Variants in EIF4EBP1 observed in about 807,000 individuals in gnomAD.
EIF4EBP1 encodes the protein eukaryotic translation initiation factor 4E-binding protein 1.
Under a neutral mutation model 9.2 loss-of-function variants are expected in EIF4EBP1, and 5 were observed. That is an observed-to-expected ratio of 0.54 (90% CI 0.28 to 1.14). The LOEUF is 1.14. Among genes scored for constraint, EIF4EBP1 ranks in the 50% most tolerant of loss-of-function variants. EIF4EBP1 has a pLI of 0.09. For missense variants in EIF4EBP1, 139 were observed against 169.6 expected, an observed-to-expected ratio of 0.82 and a Z score of 1.00; for synonymous variants, 62 against 67.0, an observed-to-expected ratio of 0.93 and a Z score of 0.36.
intron 1 of EIF4EBP1, among the ~76,000 whole-genome samples, chr8:38,040,014 G>A (rs555572932): frequency 6.6e-6 from 1 of 151,936 alleles, no homozygotes; most frequent in African/African-American, 2.4e-5. Flanking sequence ...TCAGCTTCCC[G>A]AGTAGCTGGG....
rs140719961 is a variant in EIF4EBP1 at position 38,036,846 on chromosome 8, C to T, written c.145+6128C>T. Among the ~76,000 whole-genome samples, 529 of 151,994 alleles carry T rather than the reference C, an allele frequency of 3.5e-3. 2 individuals are homozygous for T. The highest frequency in any genetic ancestry group is 0.011 in the African/African-American group (464 of 41,434). On this transcript the variant is annotated intron_variant, in intron 1 of 2. Coordinates refer to ENST00000338825, the MANE Select transcript of EIF4EBP1 (RefSeq NM_004095.4). ...GTATTTTTTGGTAGAGATGAGGTTT[C>T]GCCATGTTGCCCAGGCTGGCCTCAA...
At chr8:38,041,357 C>T (rs1809377317) in intron 1 of EIF4EBP1, among the ~76,000 whole-genome samples, 1 of 152,198 alleles carries the variant, frequency 6.6e-6, no homozygotes, top group Non-Finnish European at 1.5e-5. Flanking sequence ...CCTGCCTTGG[C>T]CTCCCAAATC....
At chr8:38,052,231 G>A (rs1809535882) in intron 1 of EIF4EBP1, among the ~76,000 whole-genome samples, 1 of 151,598 alleles carries the variant, frequency 6.6e-6, no homozygotes, top group Non-Finnish European at 1.5e-5. Flanking sequence ...AAGTAGCTCT[G>A]CAGCAGGTGT....
intron 1 of EIF4EBP1, among the ~76,000 whole-genome samples, chr8:38,041,997 A>G (rs79760381): frequency 1.4e-5 from 2 of 145,340 alleles, no homozygotes; most frequent in African/African-American, 5.1e-5. Context: ...GTCTCAGAAG[A>G]AAAAAAAAAA....
At chr8:38,042,964 G>A (rs1403454579) in intron 1 of EIF4EBP1, among the ~76,000 whole-genome samples, 2 of 152,066 alleles carry the variant, frequency 1.3e-5, no homozygotes, top group African/African-American at 4.8e-5. Flanking sequence ...ACCAGGAGGA[G>A]GCTGAGGCAG....
chr8:38,060,271 A>G lies in EIF4EBP1; in HGVS notation c.*336A>G. The G allele has an allele frequency of 2.8e-6, 1 of 351,488 alleles. No individual in the cohort carries two copies. The highest frequency in any genetic ancestry group is 3.9e-5 in the South Asian group (1 of 25,380). The allele number at this position is 351,488 out of a possible 1,614,324, so 21.8% of individuals were successfully genotyped here. On this transcript the variant is annotated 3_prime_UTR_variant, in exon 3 of 3. Transcript: ENST00000338825. The stretch of plus-strand genomic sequence containing the variant: ...CCAGCCCCTCGCTGCTGGGGGCGCA[A>G]CCACCCCTTCCTTAGGTTGATGTGC...
chr8:38,033,070 T>C (rs1482227860), intron 1 of EIF4EBP1, among the ~76,000 whole-genome samples: 1 of 148,258 alleles, frequency 6.7e-6, no homozygotes. Context: ...TTCTTTTTTT[T>C]TTTTTTTTTT....
intron 1 of EIF4EBP1, among the ~76,000 whole-genome samples, chr8:38,036,420 C>T (rs991189284): frequency 6.6e-6 from 1 of 151,970 alleles, no homozygotes; most frequent in East Asian, 1.9e-4. Context: ...GGCTGAGGCA[C>T]GAGACTCACT....
chr8:38,051,621 CAG>C (rs771885681), intron 1 of EIF4EBP1, among the ~76,000 whole-genome samples: 135 of 151,962 alleles, frequency 8.9e-4, no homozygotes, highest in Non-Finnish European at 1.7e-3. Flanking sequence ...TTTTTTGTGA[CAG>C]AGTCGTGCTC....
intron 1 of EIF4EBP1, among the ~76,000 whole-genome samples, chr8:38,042,613 C>G (rs1480109917): frequency 6.6e-6 from 1 of 152,202 alleles, no homozygotes; most frequent in African/African-American, 2.4e-5. Flanking sequence ...ATGGGCCTTC[C>G]TCTGTCTGCA....
intron 1 of EIF4EBP1, among the ~76,000 whole-genome samples, chr8:38,037,165 C>T (rs1809315154): frequency 1.3e-5 from 2 of 152,002 alleles, no homozygotes; most frequent in South Asian, 4.1e-4. Context: ...CGTGTTTGTT[C>T]CCTAGGTTAG....
intron 1 of EIF4EBP1, among the ~76,000 whole-genome samples, chr8:38,042,646 C>G (rs1012214148): frequency 2.0e-5 from 3 of 152,164 alleles, no homozygotes; most frequent in African/African-American, 7.2e-5. Flanking sequence ...CTCATAAGGA[C>G]CCCAGTCAGA....
At chr8:38,044,800 C>T (rs1455902595) in intron 1 of EIF4EBP1, among the ~76,000 whole-genome samples, 2 of 152,142 alleles carry the variant, frequency 1.3e-5, no homozygotes, top group Admixed American at 6.6e-5. Flanking sequence ...CTCTGGACGG[C>T]TGTGAGGGGA....
Position 38,030,634 on chromosome 8 carries a change from G to T in EIF4EBP1, c.61G>T (p.Val21Leu), listed in dbSNP as rs1457903078. Residue 21 changes from valine to leucine, a missense_variant, in exon 1 of 3, where the codon GTG (valine) becomes TTG (leucine). Physicochemically the swap from Val to Leu is conservative, Grantham distance 32 (BLOSUM62 1). Coordinates refer to ENST00000338825, the MANE Select transcript of EIF4EBP1 (RefSeq NM_004095.4). ...PSRAIPATRR[V>L]VLGDGVQLPP... ...CCGGGCCATCCCCGCCACTCGCCGG[G>T]TGGTGCTCGGCGACGGCGTGCAGCT... The T allele has an allele frequency of 6.6e-7, 1 of 1,513,860 alleles. No individual in the cohort carries two copies. The allele number at this position is 1,513,860 out of a possible 1,614,324, so 93.8% of individuals were successfully genotyped here.
chr8:38,043,156 CACT>C (rs1809405962), intron 1 of EIF4EBP1, among the ~76,000 whole-genome samples: 2 of 152,156 alleles, frequency 1.3e-5, no homozygotes, highest in African/African-American at 4.8e-5. Context: ...GGACAGCAAT[CACT>C]ACTGTTTGTA....
chr8:38,031,701 TC>T (rs1486257348), intron 1 of EIF4EBP1, among the ~76,000 whole-genome samples: 1 of 152,144 alleles, frequency 6.6e-6, no homozygotes, highest in Non-Finnish European at 1.5e-5. Flanking sequence ...CAGGCAGCTG[TC>T]CCACCAGCAG....
At chr8:38,057,773 A>T (rs1809618635) in intron 2 of EIF4EBP1, among the ~76,000 whole-genome samples, 1 of 152,196 alleles carries the variant, frequency 6.6e-6, no homozygotes, top group South Asian at 2.1e-4. Context: ...GAAACAATGC[A>T]GCCAGTTGTC....
chr8:38,044,200 G>A (rs925451119), intron 1 of EIF4EBP1, among the ~76,000 whole-genome samples: 6 of 150,710 alleles, frequency 4.0e-5, no homozygotes, highest in Non-Finnish European at 8.9e-5. Context: ...TAAGCCTCAC[G>A]TCCCCACATC....
In EIF4EBP1 at chr8:38,060,036, G is replaced by A. The variant is rs1809652627; in HGVS notation, c.*101G>A. ...TTATGAAAGTGATCATACTGGGCAG[G>A]CGTTGGCGTGGGGTCGGACACCCCA... On this transcript the variant is annotated 3_prime_UTR_variant, in exon 3 of 3. Transcript: ENST00000338825. The A allele has an allele frequency of 1.6e-6, 2 of 1,263,092 alleles. No individual in the cohort carries two copies. The highest frequency in any genetic ancestry group is 1.5e-5 in the African/African-American group (1 of 68,096). The allele number at this position is 1,263,092 out of a possible 1,614,324, so 78.2% of individuals were successfully genotyped here. A position where few individuals can be genotyped will look rare whatever the true frequency, so the allele number is the denominator to read the frequency against.
Sources: gnomAD v4.1 joint callset for allele counts (sites outside exome capture counted in the v4.1 genomes callset) on GRCh38, gnomAD v4.1.1 for gene constraint, MANE v1.5 for transcripts, NCBI Gene and HGNC (gene_info 2026-07-23, HGNC 2026-07-21) for gene names.